The following ACSS1 variants were observed in gnomAD, a reference collection of about 807,000 sequenced individuals.
ACSS1 encodes acyl-CoA synthetase short chain family member 1.
A neutral mutation model predicts 75.3 loss-of-function variants in ACSS1; 42 were observed. That is an observed-to-expected ratio of 0.56 (90% CI 0.44 to 0.72). ACSS1 has a LOEUF of 0.72. Ranked by LOEUF, ACSS1 falls within the 30% of genes least tolerant of loss-of-function variation. The probability of loss-of-function intolerance (pLI) is 0.00; values close to 1 mark genes in which losing one functional copy is unlikely to be tolerated. For synonymous variants in ACSS1, 380 were observed against 376.8 expected (o/e 1.01, Z -0.10); for missense variants, 782 against 935.7 (o/e 0.84, Z 2.14).
intron 2 of ACSS1, among the ~76,000 whole-genome samples, chr20:25,041,491 TC>T (rs751263818): frequency 6.6e-6 from 1 of 152,112 alleles, no homozygotes. Flanking sequence ...GCAGCCCTTG[TC>T]CCCAGGCCAC....
chr20:25,038,998 C>T (rs1189539187), intron 2 of ACSS1, among the ~76,000 whole-genome samples: 1 of 152,154 alleles, frequency 6.6e-6, no homozygotes, highest in Non-Finnish European at 1.5e-5. Flanking sequence ...CCCTCCCCTG[C>T]CCCTCCTCCC....
chr20:25,046,466 G>A (rs1014030889), intron 2 of ACSS1: 170 of 324,190 alleles, frequency 5.2e-4, no homozygotes, highest in African/African-American at 3.1e-3. Flanking sequence ...CCGAGGGGGC[G>A]TGGCACACAA....
At chr20:25,040,062 A>G (rs1174050026) in intron 2 of ACSS1, among the ~76,000 whole-genome samples, 2 of 152,198 alleles carry the variant, frequency 1.3e-5, no homozygotes, top group African/African-American at 4.8e-5. Context: ...CTCCTGGGAG[A>G]AAGCCACAGA....
Position 25,006,773 on chromosome 20 carries a change from T to A in ACSS1, c.*989A>T. 1 of 1,476,194 alleles carries A rather than the reference T, an allele frequency of 6.8e-7. No individual in the cohort carries two copies. The allele number at this position is 1,476,194 out of a possible 1,614,324, so 91.4% of individuals were successfully genotyped here. A position where few individuals can be genotyped will look rare whatever the true frequency, so the allele number is the denominator to read the frequency against. Reference sequence around the variant, plus strand: ...GAGAGACTGGATCCAGACCTCCAAGTCTCATCATTGGACCTCAGTGGTTCT... The same window carrying A: ...GAGAGACTGGATCCAGACCTCCAAGACTCATCATTGGACCTCAGTGGTTCT... On this transcript the variant is annotated 3_prime_UTR_variant, in exon 14 of 14. Coordinates refer to ENST00000323482, the MANE Select transcript of ACSS1 (RefSeq NM_032501.4).
At chr20:25,027,896 T>G (rs1371031772) in intron 3 of ACSS1, among the ~76,000 whole-genome samples, 1 of 151,784 alleles carries the variant, frequency 6.6e-6, no homozygotes, top group Non-Finnish European at 1.5e-5. Context: ...ACAAAAAAAC[T>G]ATTTATTAGA....
chr20:25,013,074 C>T, intron 10 of ACSS1, 135 bp from the exon 11 acceptor site: 2 of 1,337,220 alleles, frequency 1.5e-6, no homozygotes, highest in Non-Finnish European at 2.1e-6. Flanking sequence ...AACTCCGATG[C>T]TTCCCTATGT....
chr20:25,041,860 C>G (rs1014803953), intron 2 of ACSS1, among the ~76,000 whole-genome samples: 4 of 152,156 alleles, frequency 2.6e-5, no homozygotes, highest in African/African-American at 9.7e-5. Context: ...CTGTGGTGGC[C>G]AAAGGCCTTT....
chr20:25,037,450 C>T (rs1568843813), intron 2 of ACSS1, among the ~76,000 whole-genome samples: 1 of 152,202 alleles, frequency 6.6e-6, no homozygotes, highest in Non-Finnish European at 1.5e-5. Flanking sequence ...AGAAACGTTT[C>T]ATTTTCTTCT....
chr20:25,023,696 A>C, intron 3 of ACSS1, 55 bp from the exon 4 acceptor site: 7 of 1,496,808 alleles, frequency 4.7e-6, no homozygotes, highest in African/African-American at 1.4e-5. Context: ...TTTAACCCTC[A>C]TAGCTCTGAC....
At chr20:25,032,874 C>G (rs2088850879) in intron 2 of ACSS1, among the ~76,000 whole-genome samples, 1 of 152,224 alleles carries the variant, frequency 6.6e-6, no homozygotes, top group South Asian at 2.1e-4. Context: ...CGCAGTTCTC[C>G]CCGCAGCCAG....
intron 1 of ACSS1, among the ~76,000 whole-genome samples, chr20:25,048,820 T>G (rs1478283059): frequency 1.3e-5 from 2 of 152,164 alleles, no homozygotes; most frequent in African/African-American, 4.8e-5. Flanking sequence ...CACATGACCC[T>G]CCGGCAGAAA....
rs1488134698 is a variant in ACSS1, at chr20:25,053,321, T to C, written c.334+4448A>G. Among the ~76,000 whole-genome samples, 5 of 150,912 alleles carry C rather than the reference T, an allele frequency of 3.3e-5. No individual in the cohort carries two copies. The East Asian group carries it at 9.8e-4, about 29-fold the overall frequency. On this transcript the variant is annotated intron_variant, in intron 1 of 13. Coordinates refer to ENST00000323482, the MANE Select transcript of ACSS1 (RefSeq NM_032501.4). ...CTCAAGCGATCTGCCCACCTCAGCC[T>C]CCCAAAGTACTGGGATTCCAGGCAT...
chr20:25,027,139 C>T (rs541375294), intron 3 of ACSS1, among the ~76,000 whole-genome samples: 2 of 152,358 alleles, frequency 1.3e-5, no homozygotes, highest in African/African-American at 4.8e-5. Flanking sequence ...CTTAAACTCT[C>T]TGTGTCTCAG....
At chr20:25,036,480 A>C (rs2088909971) in intron 2 of ACSS1, among the ~76,000 whole-genome samples, 1 of 151,294 alleles carries the variant, frequency 6.6e-6, no homozygotes, top group Non-Finnish European at 1.5e-5. Flanking sequence ...AACAGGAAAC[A>C]GCTGGAAACA....
intron 4 of ACSS1, 97 bp from the exon 5 acceptor site, chr20:25,023,189 G>T: frequency 7.0e-7 from 1 of 1,434,872 alleles, no homozygotes; most frequent in South Asian, 1.4e-5. Flanking sequence ...ACAGGATTCA[G>T]AATTCACCTG....
intron 1 of ACSS1, among the ~76,000 whole-genome samples, chr20:25,050,838 G>A (rs2122762289): frequency 6.6e-6 from 1 of 152,202 alleles, no homozygotes; most frequent in East Asian, 1.9e-4. Flanking sequence ...AGGTGAGGAA[G>A]GTGGAGAGGG....
At chr20:25,051,425 G>A (rs1448526974) in intron 1 of ACSS1, among the ~76,000 whole-genome samples, 1 of 152,196 alleles carries the variant, frequency 6.6e-6, no homozygotes, top group African/African-American at 2.4e-5. Flanking sequence ...TCTTGTCTTT[G>A]TGGCTTCATC....
intron 5 of ACSS1, 129 bp downstream of exon 5, chr20:25,022,811 C>T: frequency 1.5e-6 from 2 of 1,320,128 alleles, no homozygotes; most frequent in South Asian, 3.3e-5. Flanking sequence ...GGGGCCCTGC[C>T]CCGAATAGGC....
rs2088325597 is a variant in ACSS1, at chr20:25,007,334, A to G, written c.*428T>C. On this transcript the variant is annotated 3_prime_UTR_variant, in exon 14 of 14. Transcript: ENST00000323482. ...TTGCATGCTGTTCTTCCACAATATA[A>G]AAGTATAAAAATAAGATTTCTGACC... 1 of 1,072,856 alleles carries G rather than the reference A, an allele frequency of 9.3e-7. No homozygotes were observed. The highest frequency in any genetic ancestry group is 1.7e-5 in the African/African-American group (1 of 60,218). 66.5% of individuals were successfully genotyped at this position (1,072,856 alleles called of 1,614,324 possible). A position where few individuals can be genotyped will look rare whatever the true frequency, so the allele number is the denominator to read the frequency against.
Sources: gnomAD v4.1 joint callset for allele counts (sites outside exome capture counted in the v4.1 genomes callset) on GRCh38, gnomAD v4.1.1 for gene constraint, MANE v1.5 for transcripts, NCBI Gene and HGNC (gene_info 2026-07-23, HGNC 2026-07-21) for gene names.